ITGB5: variants seen among roughly 807,000 people sequenced by gnomAD.
ITGB5 encodes the protein integrin subunit beta 5.
A neutral mutation model predicts 84.8 loss-of-function variants in ITGB5; 38 were observed. The observed-to-expected ratio is 0.45, with a 90% CI of 0.35 to 0.59. ITGB5 has a LOEUF of 0.59. Among genes scored for constraint, ITGB5 ranks in the 20% least tolerant of loss-of-function variants. The probability of loss-of-function intolerance (pLI) is 0.01; values close to 1 mark genes in which losing one functional copy is unlikely to be tolerated. For missense variants in ITGB5, 905 were observed against 1,034.5 expected (o/e 0.87, Z 1.72); for synonymous variants, 393 against 414.4 (o/e 0.95, Z 0.63).
chr3:124,891,857 T>G (rs1935007781), upstream of ITGB5, among the ~76,000 whole-genome samples: 1 of 151,056 alleles, frequency 6.6e-6, no homozygotes, highest in Non-Finnish European at 1.5e-5. Flanking sequence ...AAGTTGAGGC[T>G]GCCATGAGCC....
chr3:124,793,718 A>G (rs2064181861), intron 10 of ITGB5, among the ~76,000 whole-genome samples: 1 of 152,260 alleles, frequency 6.6e-6, no homozygotes, highest in Admixed American at 6.5e-5. Context: ...AACTTTTTCT[A>G]CTAACCAGAC....
At chr3:124,821,779 A>C (rs920272633) in intron 5 of ITGB5, among the ~76,000 whole-genome samples, 4 of 152,148 alleles carry the variant, frequency 2.6e-5, no homozygotes, top group Admixed American at 1.3e-4. Flanking sequence ...CCTTTCACTG[A>C]TGACCCCTGA....
chr3:124,837,022 T>C (rs1008427458), intron 5 of ITGB5, among the ~76,000 whole-genome samples: 1 of 152,244 alleles, frequency 6.6e-6, no homozygotes, highest in African/African-American at 2.4e-5. Flanking sequence ...GTTGCACTGA[T>C]TTATTTTCTG....
chr3:124,789,457 A>G (rs1483415425), intron 10 of ITGB5, among the ~76,000 whole-genome samples: 88 of 79,112 alleles, frequency 1.1e-3, no homozygotes, highest in African/African-American at 4.4e-3. Context: ...GCCTCTGACT[A>G]GACAGGGTTA....
chr3:124,783,059 G>A (rs180931022), intron 10 of ITGB5, among the ~76,000 whole-genome samples: 9 of 152,048 alleles, frequency 5.9e-5, no homozygotes, highest in African/African-American at 1.9e-4. Context: ...GGGAGGCTGA[G>A]GTGGGTGGAT....
intron 5 of ITGB5, among the ~76,000 whole-genome samples, chr3:124,825,181 A>T (rs1163098585): frequency 2.0e-5 from 3 of 147,788 alleles, no homozygotes; most frequent in Non-Finnish European, 3.0e-5. Flanking sequence ...TGGGCAACAG[A>T]GCGAGACTCC....
At chr3:124,815,782 C>T (rs761997934) in intron 8 of ITGB5, among the ~76,000 whole-genome samples, 5 of 152,328 alleles carry the variant, frequency 3.3e-5, no homozygotes, top group Admixed American at 6.5e-5. Context: ...CTCTGGGTGT[C>T]GCACTTCAGC....
At chr3:124,889,611 G>A (rs118038711), upstream of ITGB5, among the ~76,000 whole-genome samples, 38 of 152,250 alleles carry the variant, frequency 2.5e-4, no homozygotes, top group African/African-American at 8.7e-4. Flanking sequence ...GATGTAAAAC[G>A]CTTGTCCCTA....
rs775942069 is a variant in ITGB5, at chr3:124,796,601, G to A, written c.1480C>T (p.Leu494=). The A allele has an allele frequency of 6.2e-7, 1 of 1,614,134 alleles. No homozygotes were observed. The highest frequency in any genetic ancestry group is 1.3e-5 in the African/African-American group (1 of 75,058). ...TCCTGGCACTCGCACCTGGTGCCCA[G>A]GTAGCCGGGGCTGCACTCACACAGG... is the stretch of plus-strand genomic sequence containing the variant. The part of the protein sequence containing the change: ...CGLCECSPGY[L]GTRCECQDGE... Residue 494 remains leucine, a synonymous_variant, in exon 10 of 15, where the codon CTG becomes TTG. Transcript: ENST00000296181.
chr3:124,794,997 T>C (rs944166909), intron 10 of ITGB5, among the ~76,000 whole-genome samples: 3 of 152,178 alleles, frequency 2.0e-5, no homozygotes, highest in African/African-American at 7.2e-5. Context: ...GTAACGCACT[T>C]GATTATGTGA....
intron 3 of ITGB5, among the ~76,000 whole-genome samples, chr3:124,849,178 G>A (rs936906882): frequency 6.6e-6 from 1 of 152,160 alleles, no homozygotes; most frequent in African/African-American, 2.4e-5. Flanking sequence ...AGTGGACAGT[G>A]AACCAGACAA....
intron 12 of ITGB5, 26 bp from the exon 13 acceptor site, chr3:124,766,371 C>T: frequency 6.2e-7 from 1 of 1,612,666 alleles, no homozygotes; most frequent in Non-Finnish European, 8.5e-7. Context: ...GCGGGAATGG[C>T]CTGAGTCTCT....
chr3:124,844,484 C>T (rs1268347630), intron 4 of ITGB5, among the ~76,000 whole-genome samples: 5 of 152,030 alleles, frequency 3.3e-5, no homozygotes, highest in Admixed American at 3.3e-4. Flanking sequence ...CACTTGAACC[C>T]AGGAGGTGGA....
At chr3:124,868,398 CT>C (rs141532029) in intron 2 of ITGB5, among the ~76,000 whole-genome samples, 3,559 of 152,114 alleles carry the variant, frequency 0.023, 130 homozygotes, top group African/African-American at 0.081. Context: ...CCCATACATC[CT>C]GGTCTCAGAG....
rs746624184 is a variant in ITGB5 at position 124,841,444 on chromosome 3, G to C, written c.719C>G (p.Ser240Cys). Residue 240 changes from serine (S) to cysteine (C), a missense_variant, in exon 5 of 15, where the codon TCC (serine) becomes TGC (cysteine). Coordinates refer to ENST00000296181, the MANE Select transcript of ITGB5 (RefSeq NM_002213.5). ...CCCCTCAGGGGCATCTCGGTTCCGG[G>C]ACACCCTCTGTTTCCGAACTTCCTC... The part of the protein sequence containing the change: ...FNEEVRKQRV[S>C]RNRDAPEGGF... The C allele has an allele frequency of 6.2e-7, 1 of 1,614,230 alleles. No individual in the cohort carries two copies. The highest frequency in any genetic ancestry group is 8.5e-7 in the Non-Finnish European group (1 of 1,180,038).
intron 4 of ITGB5, among the ~76,000 whole-genome samples, chr3:124,845,910 T>C (rs1002789994): frequency 3.9e-5 from 6 of 152,120 alleles, no homozygotes; most frequent in African/African-American, 7.2e-5. Context: ...ACAAAAACAT[T>C]TGACACCCAG....
At chr3:124,771,860 A>G (rs769174566) in intron 11 of ITGB5, among the ~76,000 whole-genome samples, 1 of 152,036 alleles carries the variant, frequency 6.6e-6, no homozygotes, top group Non-Finnish European at 1.5e-5. Context: ...TATGTCTTCT[A>G]AGAAATAAAT....
chr3:124,889,007 T>G (rs906051009), upstream of ITGB5, among the ~76,000 whole-genome samples: 9 of 152,112 alleles, frequency 5.9e-5, no homozygotes, highest in African/African-American at 9.7e-5. Flanking sequence ...GGAAAATAAA[T>G]CTCAGGGCCC....
chr3:124,811,872 G>A (rs986186333), intron 8 of ITGB5, among the ~76,000 whole-genome samples: 1 of 152,134 alleles, frequency 6.6e-6, no homozygotes, highest in African/African-American at 2.4e-5. Flanking sequence ...GCACAGGACC[G>A]GGTGCAGGCT....
Sources: allele counts gnomAD v4.1 joint callset (sites outside exome capture counted in the v4.1 genomes callset), GRCh38; gene constraint gnomAD v4.1.1; transcripts MANE v1.5; gene names NCBI Gene and HGNC (gene_info 2026-07-23, HGNC 2026-07-21).